Variants in GDAP1 observed in about 807,000 individuals in gnomAD.
GDAP1 encodes ganglioside-induced differentiation-associated protein 1.
A neutral mutation model predicts 40.1 loss-of-function variants in GDAP1; 34 were observed. The observed-to-expected ratio is 0.85, with a 90% CI of 0.64 to 1.13. The LOEUF is 1.13. Ranked by LOEUF, GDAP1 falls within the 50% of genes most tolerant of loss-of-function variation. GDAP1 has a pLI of 0.00. For missense variants in GDAP1, 374 were observed against 433.7 expected, an observed-to-expected ratio of 0.86 and a Z score of 1.22; for synonymous variants, 170 against 157.4, an observed-to-expected ratio of 1.08 and a Z score of -0.60.
chr8:74,486,911 C>T (rs1046838165), intron 2 of GDAP1, among the ~76,000 whole-genome samples: 6 of 152,136 alleles, frequency 3.9e-5, no homozygotes, highest in Admixed American at 2.0e-4. Flanking sequence ...AACAGCCATA[C>T]TAGAAACATG....
chr8:74,482,125 G>C (rs936711073), intron 2 of GDAP1, among the ~76,000 whole-genome samples: 1 of 147,978 alleles, frequency 6.8e-6, no homozygotes, highest in Non-Finnish European at 1.5e-5. Context: ...TTTTTGGGGG[G>C]GGGGGGTCAT....
intron 2 of GDAP1, among the ~76,000 whole-genome samples, chr8:74,484,771 T>G (rs1207332271): frequency 1.3e-5 from 2 of 152,126 alleles, no homozygotes; most frequent in African/African-American, 4.8e-5. Context: ...AGGCAAATCT[T>G]ATTTTTCTGG....
intron 2 of GDAP1, among the ~76,000 whole-genome samples, chr8:74,427,705 G>C (rs1805964900): frequency 6.6e-6 from 1 of 152,184 alleles, no homozygotes; most frequent in East Asian, 1.9e-4. Flanking sequence ...AATGTAGACT[G>C]TTACTCAGGC....
chr8:74,352,159 T>C (rs1391840201), intron 2 of GDAP1, among the ~76,000 whole-genome samples: 2 of 152,174 alleles, frequency 1.3e-5, no homozygotes, highest in African/African-American at 4.8e-5. Flanking sequence ...GGCAGAGTCT[T>C]TGGTCTCCAA....
chr8:74,398,316 T>A (rs963770165), intron 2 of GDAP1, among the ~76,000 whole-genome samples: 1 of 152,202 alleles, frequency 6.6e-6, no homozygotes, highest in African/African-American at 2.4e-5. Context: ...TTCGTTTGCT[T>A]GGTAGATCTT....
intron 2 of GDAP1, among the ~76,000 whole-genome samples, chr8:74,412,066 G>T (rs1221133525): frequency 6.7e-6 from 1 of 149,798 alleles, no homozygotes; most frequent in Non-Finnish European, 1.5e-5. Flanking sequence ...TGAGATAAAA[G>T]TTGGGACATT....
chr8:74,373,773 G>A (rs1339842345), intron 2 of GDAP1, among the ~76,000 whole-genome samples: 1 of 152,096 alleles, frequency 6.6e-6, no homozygotes, highest in Non-Finnish European at 1.5e-5. Context: ...GATTGCCCTG[G>A]CCAGAACTTC....
chr8:74,480,427 G>A (rs1230981471), intron 2 of GDAP1, among the ~76,000 whole-genome samples: 1 of 152,180 alleles, frequency 6.6e-6, no homozygotes, highest in Non-Finnish European at 1.5e-5. Context: ...CAGAAGTTCA[G>A]GAAATGGATA....
chr8:74,392,806 G>C (rs1255745249), intron 2 of GDAP1, among the ~76,000 whole-genome samples: 1 of 152,200 alleles, frequency 6.6e-6, no homozygotes, highest in Non-Finnish European at 1.5e-5. Context: ...AATAGATACA[G>C]ATGTCAAGGC....
rs541078199 is a variant in GDAP1 at position 74,364,647 on chromosome 8, G to A, written c.*280G>A. 1 of 545,938 alleles carries A rather than the reference G, an allele frequency of 1.8e-6. No individual in the cohort carries two copies. The highest frequency in any genetic ancestry group is 1.9e-5 in the African/African-American group (1 of 53,606). 33.8% of individuals were successfully genotyped at this position (545,938 alleles called of 1,614,324 possible). A position where few individuals can be genotyped will look rare whatever the true frequency, so the allele number is the denominator to read the frequency against. On this transcript the variant is annotated 3_prime_UTR_variant, in exon 6 of 6. Transcript: ENST00000220822. The stretch of plus-strand genomic sequence containing the variant: ...TATAGGGTAGAGCAATAGAAAGTAA[G>A]CTTCGGGTGCCTCCAACGTTCATGG...
intron 2 of GDAP1, among the ~76,000 whole-genome samples, chr8:74,479,139 T>C (rs774705014): frequency 9.9e-5 from 15 of 152,242 alleles, no homozygotes; most frequent in Non-Finnish European, 1.8e-4. Flanking sequence ...AGCAATGTTT[T>C]AGCTGCACTT....
intron 2 of GDAP1, among the ~76,000 whole-genome samples, chr8:74,375,146 G>A (rs924114119): frequency 6.6e-6 from 1 of 152,156 alleles, no homozygotes; most frequent in Non-Finnish European, 1.5e-5. Flanking sequence ...GGCCAACATG[G>A]TGAAACTCTG....
intron 2 of GDAP1, among the ~76,000 whole-genome samples, chr8:74,468,622 T>C (rs902773757): frequency 6.6e-6 from 1 of 152,134 alleles, no homozygotes; most frequent in Non-Finnish European, 1.5e-5. Context: ...CTTTTGTGTA[T>C]GTGAAAACCA....
intron 2 of GDAP1, among the ~76,000 whole-genome samples, chr8:74,358,388 G>A (rs954030462): frequency 6.6e-6 from 1 of 152,162 alleles, no homozygotes; most frequent in African/African-American, 2.4e-5. Context: ...GTACTATTTA[G>A]GGTTATTAGC....
At chr8:74,387,524 A>G (rs976905335) in intron 2 of GDAP1, among the ~76,000 whole-genome samples, 4 of 152,228 alleles carry the variant, frequency 2.6e-5, no homozygotes, top group African/African-American at 7.2e-5. Context: ...CATCCCAGGG[A>G]TGAAACCGAC....
chr8:74,392,352 A>G lies in GDAP1; in HGVS notation c.165+41031A>G, dbSNP rs74882713. On this transcript the variant is annotated intron_variant, in intron 2 of 2. Transcript: ENST00000523640. ...AGTTTGGGATTTTAGCAAGAACTAT[A>G]ACAATTTTTGATGTCAATAATTTCA... Among the ~76,000 whole-genome samples the G allele has an allele frequency of 7.0e-3, 1,059 of 152,328 alleles. 11 individuals are homozygous for G. Among genetic ancestry groups the G allele is most frequent in the African/African-American group, 0.024 (1,011 of 41,572 alleles).
chr8:74,426,524 T>C (rs548487976), intron 2 of GDAP1, among the ~76,000 whole-genome samples: 1 of 152,350 alleles, frequency 6.6e-6, no homozygotes, highest in East Asian at 1.9e-4. Flanking sequence ...ATTATAGTTA[T>C]AGCTAGAAAT....
At chr8:74,387,497 T>C (rs1300340612) in intron 2 of GDAP1, among the ~76,000 whole-genome samples, 1 of 152,152 alleles carries the variant, frequency 6.6e-6, no homozygotes, top group Non-Finnish European at 1.5e-5. Flanking sequence ...TGATTTGCAT[T>C]TGTTGAATCA....
downstream of GDAP1, among the ~76,000 whole-genome samples, chr8:74,369,172 A>G (rs111259073): frequency 1.1e-3 from 173 of 152,320 alleles, 1 homozygote; most frequent in Middle Eastern, 0.01. Context: ...ACAAGAATCA[A>G]CATGCTTCAG....
Sources: allele counts gnomAD v4.1 joint callset (sites outside exome capture counted in the v4.1 genomes callset), GRCh38; gene constraint gnomAD v4.1.1; transcripts MANE v1.5; gene names NCBI Gene and HGNC (gene_info 2026-07-23, HGNC 2026-07-21).